Variants in RNF17 observed in about 807,000 individuals in gnomAD.
The protein encoded by RNF17 is spermatogenesis associated 23.
A neutral mutation model predicts 200.5 loss-of-function variants in RNF17; 31 were observed. The observed-to-expected ratio is 0.15, with a 90% CI of 0.12 to 0.21. RNF17 has a LOEUF of 0.21. Ranked by LOEUF, RNF17 falls within the 10% of genes least tolerant of loss-of-function variation. The pLI, the probability that RNF17 is intolerant of heterozygous loss-of-function variation, is 1.00. For missense variants in RNF17, 1,628 were observed against 1,905.1 expected (o/e 0.85, Z 2.71); for synonymous variants, 606 against 637.8 (o/e 0.95, Z 0.75).
chr13:24,779,668 A>T lies in RNF17; in HGVS notation c.431A>T (p.Asp144Val), dbSNP rs1882083521. The T allele has an allele frequency of 6.2e-7, 1 of 1,608,336 alleles. No homozygotes were observed. The highest frequency in any genetic ancestry group is 1.3e-5 in the African/African-American group (1 of 74,766). ...TATGTGATTTCCCTCCCTTCTTAGGACACTAATACTGCAGAAGAAATTGAT... is the reference window on the plus strand; with the variant it reads ...TATGTGATTTCCCTCCCTTCTTAGGTCACTAATACTGCAGAAGAAATTGAT... ...TLLNSSAVMLDTNTAEEIDEA... is the reference protein window; with the variant it reads ...TLLNSSAVMLVTNTAEEIDEA... Residue 144 changes from aspartate to valine, a missense_variant and splice_region_variant, in exon 5 of 36, where the codon GAC (aspartate) becomes GTC (valine). Asp to Val is a radical substitution (Grantham distance 152, BLOSUM62 -3). Around this residue, in one of 5 missense-constraint regions of RNF17, gnomAD observed 502 missense variants for 501.7 expected, o/e 1.00. Transcript: ENST00000255324.
intron 32 of RNF17, among the ~76,000 whole-genome samples, chr13:24,873,272 A>G (rs1057146484): frequency 3.3e-5 from 5 of 152,178 alleles, no homozygotes; most frequent in Non-Finnish European, 7.3e-5. Flanking sequence ...AATGGGAGAA[A>G]TGCCTTTCTT....
chr13:24,819,483 A>G (rs1032793721), intron 15 of RNF17, among the ~76,000 whole-genome samples: 6 of 152,236 alleles, frequency 3.9e-5, no homozygotes, highest in African/African-American at 1.4e-4. Flanking sequence ...CAAATATTAT[A>G]GTATCAGGTT....
chr13:24,749,093 G>A, the RNF17 span, among the ~76,000 whole-genome samples: 1 of 152,068 alleles, frequency 6.6e-6, no homozygotes, highest in African/African-American at 2.4e-5. Context: ...GAAGAGAAGT[G>A]TACCTTGCTC....
Position 24,823,853 on chromosome 13 carries a change from T to G in RNF17, c.2092-1766T>G, listed in dbSNP as rs187466889. Among the ~76,000 whole-genome samples the G allele has an allele frequency of 1.8e-3, 268 of 152,334 alleles. 1 individual carries two copies. The highest frequency in any genetic ancestry group is 4.6e-3 in the South Asian group (22 of 4,828). On this transcript the variant is annotated intron_variant, in intron 15 of 35. Transcript: ENST00000255324. ...CTTCCTTCCAAGCATCTGTGCTTGG[T>G]ACTCCCCTTTGCCACGTTTACAAGT...
At chr13:24,771,569 G>A (rs1432830433) in intron 2 of RNF17, among the ~76,000 whole-genome samples, 2 of 149,906 alleles carry the variant, frequency 1.3e-5, no homozygotes, top group Non-Finnish European at 3.0e-5. Context: ...TGATTTTATT[G>A]CATTTAGCCA....
At chr13:24,756,443 C>T in the RNF17 span, among the ~76,000 whole-genome samples, 2 of 151,706 alleles carry the variant, frequency 1.3e-5, no homozygotes, top group African/African-American at 2.4e-5. Flanking sequence ...AATTCTTCCT[C>T]GTTTTGTTTT....
intron 15 of RNF17, among the ~76,000 whole-genome samples, chr13:24,809,687 C>T (rs1467625349): frequency 3.3e-5 from 5 of 151,864 alleles, no homozygotes; most frequent in East Asian, 1.9e-4. Context: ...TGCTAGCTTT[C>T]GAATGTGTTT....
At chr13:24,861,221 C>G in intron 26 of RNF17, 47 bp from the exon 27 acceptor site, 1 of 1,480,438 alleles carries the variant, frequency 6.8e-7, no homozygotes, top group Non-Finnish European at 9.2e-7. Context: ...TGTCCCCTAG[C>G]TTTTAATAAT....
downstream of RNF17, chr13:24,884,245 T>G (rs1339278423): frequency 6.2e-7 from 1 of 1,614,098 alleles, no homozygotes; most frequent in Admixed American, 1.7e-5. Context: ...TAGTAGTAGA[T>G]CTGTAAAGAC....
At chr13:24,764,891 GTGTGTGTGTGTGTGT>G (rs1566106130) in intron 1 of RNF17, among the ~76,000 whole-genome samples, 2 of 64,736 alleles carry the variant, frequency 3.1e-5, no homozygotes, top group African/African-American at 9.8e-5. Flanking sequence ...CTTGTGGGGT[GTGTGTGTGTGTGTGT>G]GTGTGTGTGT....
intron 15 of RNF17, among the ~76,000 whole-genome samples, chr13:24,819,111 G>A (rs930039449): frequency 4.6e-5 from 7 of 151,902 alleles, no homozygotes; most frequent in South Asian, 2.1e-4. Context: ...AACCATATTC[G>A]TATTACCATG....
chr13:24,861,511 C>A, intron 27 of RNF17, 124 bp downstream of exon 27: 2 of 617,380 alleles, frequency 3.2e-6, no homozygotes, highest in East Asian at 3.8e-5. Flanking sequence ...AAAACACCAA[C>A]AAATAAGTTA....
chr13:24,773,641 C>T (rs974186698), intron 2 of RNF17, among the ~76,000 whole-genome samples: 1 of 152,194 alleles, frequency 6.6e-6, no homozygotes. Context: ...CAGACCTCAG[C>T]ATCATGCCCT....
chr13:24,823,661 T>C (rs1888327053), intron 15 of RNF17, among the ~76,000 whole-genome samples: 1 of 152,168 alleles, frequency 6.6e-6, no homozygotes, highest in Non-Finnish European at 1.5e-5. Flanking sequence ...ATAGTTAAAG[T>C]CTTTTTATTT....
chr13:24,765,537 G>C lies in RNF17; in HGVS notation c.130+1204G>C, dbSNP rs376229461. 1.2e-4 allele frequency among the ~76,000 whole-genome samples: 18 copies of C among 152,302 alleles called. No individual in the cohort carries two copies. The East Asian group carries it at 2.9e-3, about 24-fold the overall frequency. On this transcript the variant is annotated intron_variant, in intron 1 of 35. Coordinates refer to ENST00000255324, the MANE Select transcript of RNF17 (RefSeq NM_031277.3). ...TGCAGAAAAAGTTGTGATTTCAGTG[G>C]AGAACCAAGTTTCTCCTACTTGGGG...
rs1893464027 is a variant in RNF17 at position 24,864,914 on chromosome 13, C to G, written c.4017C>G (p.Leu1339=). 1 of 1,562,454 alleles carries G rather than the reference C, an allele frequency of 6.4e-7. No homozygotes were observed. Among genetic ancestry groups the G allele is most frequent in the African/African-American group, 1.4e-5 (1 of 72,702 alleles). The change falls in exon 29 of 36, where the codon CTC becomes CTG. Residue 1339 remains leucine, a synonymous_variant. Transcript: ENST00000255324. ...KNPWEKLSIH[L]YFDGMSLSYF... ...CATGGGAGAAATTGTCTATTCACCTCTATTTTGATGGAATGTCACTTTCTT... is the reference window on the plus strand; with the variant it reads ...CATGGGAGAAATTGTCTATTCACCTGTATTTTGATGGAATGTCACTTTCTT...
At chr13:24,851,338 C>A in intron 23 of RNF17, 118 bp from the exon 24 acceptor site, 1 of 748,568 alleles carries the variant, frequency 1.3e-6, no homozygotes, top group Non-Finnish European at 2.3e-6. Flanking sequence ...TAACTTGACT[C>A]AGCTGGGAAT....
At position 24,779,693 on chromosome 13, in the gene RNF17, T is replaced by C; in HGVS notation, c.456T>C (p.Asp152=). The change falls in exon 5 of 36, where the codon GAT becomes GAC. Residue 152 remains aspartate (D), a synonymous_variant. Transcript: ENST00000255324. ...ACACTAATACTGCAGAAGAAATTGA[T>C]GAAGCATTGAATACAGCACACCATA... The part of the protein sequence containing the change: ...MLDTNTAEEI[D]EALNTAHHSF... The C allele has an allele frequency of 1.9e-6, 3 of 1,613,492 alleles. No individual in the cohort carries two copies. Among genetic ancestry groups the C allele is most frequent in the Non-Finnish European group, 2.5e-6 (3 of 1,179,588 alleles).
chr13:24,876,882 C>T, intron 33 of RNF17, 115 bp from the exon 34 acceptor site: 3 of 815,496 alleles, frequency 3.7e-6, no homozygotes, highest in South Asian at 2.2e-5. Context: ...GTGTCGTATC[C>T]AAAAAAATCA....
Sources: gnomAD v4.1 joint callset for allele counts (sites outside exome capture counted in the v4.1 genomes callset) on GRCh38, gnomAD v4.1.1 for gene constraint, gnomAD v4.1.1 regional missense constraint, MANE v1.5 for transcripts, NCBI Gene and HGNC (gene_info 2026-07-23, HGNC 2026-07-21) for gene names.